Variants in ATL2 observed in about 807,000 individuals in gnomAD.
ATL2 encodes the protein atlastin-2.
ATL2 carries 31 observed loss-of-function variants against 73.9 expected under a neutral mutation model. The ratio of observed to expected loss-of-function variants is 0.42; its 90% CI spans 0.32 to 0.57. The LOEUF (loss-of-function observed/expected upper bound fraction) is 0.57, where lower values mean the gene tolerates loss of function less well. Among genes scored for constraint, ATL2 ranks in the 20% least tolerant of loss-of-function variants. ATL2 has a pLI of 0.14. For missense variants in ATL2, 738 were observed against 702.6 expected (o/e 1.05, Z -0.57); for synonymous variants, 291 against 237.5 (o/e 1.23, Z -2.07).
chr2:38,297,837 A>G (rs1666976632), intron 12 of ATL2: 1 of 202,822 alleles, frequency 4.9e-6, no homozygotes, highest in Non-Finnish European at 9.8e-6. Flanking sequence ...TTCATTGTTT[A>G]TATTTTCTTT....
intron 1 of ATL2, among the ~76,000 whole-genome samples, chr2:38,366,377 A>G (rs1671332051): frequency 1.3e-5 from 2 of 152,084 alleles, no homozygotes; most frequent in African/African-American, 4.8e-5. Flanking sequence ...TATTAAACAT[A>G]CTCTAATACC....
chr2:38,370,067 T>C (rs1267140685), intron 1 of ATL2, among the ~76,000 whole-genome samples: 1 of 135,420 alleles, frequency 7.4e-6, no homozygotes, highest in East Asian at 2.2e-4. Context: ...GGCAGAAGAA[T>C]GGCGTGAACC....
In ATL2 at chr2:38,309,199, C is replaced by T. The variant is rs2305242; in HGVS notation, c.1071+180G>A. The stretch of plus-strand genomic sequence containing the variant: ...AAATCACTGTCTAGGAGACAGAAAT[C>T]TGCTATAATCTTTTAAATATCCTTA... On this transcript the variant is annotated intron_variant, in intron 9 of 12. Coordinates refer to ENST00000378954, the MANE Select transcript of ATL2 (RefSeq NM_001135673.4). Among the ~76,000 whole-genome samples, 1,040 of 152,194 alleles carry T rather than the reference C, an allele frequency of 6.8e-3. 12 individuals are homozygous for T. Among genetic ancestry groups the T allele is most frequent in the East Asian group, 0.057 (293 of 5,182 alleles).
intron 8 of ATL2, 113 bp from the exon 9 acceptor site, chr2:38,309,619 A>T: frequency 9.5e-7 from 1 of 1,051,308 alleles, no homozygotes; most frequent in East Asian, 2.7e-5. Flanking sequence ...TCTATTACTG[A>T]AGTGGATTCA....
chr2:38,327,535 A>C (rs1156763434), intron 2 of ATL2, among the ~76,000 whole-genome samples: 2 of 124,856 alleles, frequency 1.6e-5, no homozygotes, highest in Non-Finnish European at 3.2e-5. Flanking sequence ...AAAAAAAAAA[A>C]AGTACAAAAA....
chr2:38,358,065 G>T (rs1163860717), intron 1 of ATL2, among the ~76,000 whole-genome samples: 1 of 152,258 alleles, frequency 6.6e-6, no homozygotes, highest in East Asian at 1.9e-4. Flanking sequence ...AACTGGGATT[G>T]AGCTTGAAAC....
rs1304796075 is a variant in ATL2 at position 38,295,811 on chromosome 2, G to A, written c.*183C>T. The A allele has an allele frequency of 1.9e-6, 1 of 525,746 alleles. No individual in the cohort carries two copies. The highest frequency in any genetic ancestry group is 3.2e-5 in the East Asian group (1 of 31,592). 32.6% of individuals were successfully genotyped at this position (525,746 alleles called of 1,614,324 possible). ...CTCAGTCCATCTGCATGTCTTAGGA[G>A]CCATTAAAAGAATGCTTAAAACTAA... On this transcript the variant is annotated 3_prime_UTR_variant, in exon 13 of 13. Coordinates refer to ENST00000378954, the MANE Select transcript of ATL2 (RefSeq NM_001135673.4).
intron 4 of ATL2, among the ~76,000 whole-genome samples, chr2:38,317,177 A>G (rs2148433537): frequency 6.6e-6 from 1 of 152,270 alleles, no homozygotes; most frequent in South Asian, 2.1e-4. Context: ...AGACACTGTG[A>G]CAGCATCACC....
intron 1 of ATL2, 126 bp from the exon 2 acceptor site, chr2:38,343,638 A>C: frequency 1.2e-6 from 1 of 832,200 alleles, no homozygotes; most frequent in Non-Finnish European, 1.9e-6. Context: ...GATCATTATA[A>C]TGTTCCTTTG....
intron 1 of ATL2, among the ~76,000 whole-genome samples, chr2:38,372,168 T>G (rs1017087578): frequency 9.8e-5 from 14 of 142,640 alleles, no homozygotes; most frequent in African/African-American, 3.4e-4. Flanking sequence ...CAGACCCAAG[T>G]TAGATTTTGC....
intron 5 of ATL2, among the ~76,000 whole-genome samples, chr2:38,315,061 G>A (rs1053627989): frequency 6.6e-6 from 1 of 152,188 alleles, no homozygotes; most frequent in Non-Finnish European, 1.5e-5. Context: ...AGACCAGCCT[G>A]ACCAACATGG....
intron 9 of ATL2, among the ~76,000 whole-genome samples, chr2:38,301,910 G>C (rs1667210012): frequency 6.6e-6 from 1 of 152,118 alleles, no homozygotes; most frequent in African/African-American, 2.4e-5. Context: ...GTAGTTCACA[G>C]CTCTGAGAGA....
At chr2:38,334,937 T>TATAAATATATTTATATATTATAATAA (rs1351952683) in intron 2 of ATL2, among the ~76,000 whole-genome samples, 1 of 135,268 alleles carries the variant, frequency 7.4e-6, no homozygotes, top group African/African-American at 2.9e-5. Context: ...TATTATAATA[T>TATAAATATATTTATATATTATAATAA]ATAACATTTA....
chr2:38,331,854 T>G (rs1669016092), intron 2 of ATL2, among the ~76,000 whole-genome samples: 1 of 151,708 alleles, frequency 6.6e-6, no homozygotes, highest in South Asian at 2.1e-4. Flanking sequence ...ATAAATATAT[T>G]TTATGTAATT....
At chr2:38,336,502 A>G (rs1669364115) in intron 2 of ATL2, among the ~76,000 whole-genome samples, 1 of 152,222 alleles carries the variant, frequency 6.6e-6, no homozygotes, top group African/African-American at 2.4e-5. Context: ...ACTCACACAT[A>G]TCCTCCCATC....
chr2:38,333,689 A>G (rs1411449539), intron 2 of ATL2, among the ~76,000 whole-genome samples: 1 of 152,206 alleles, frequency 6.6e-6, no homozygotes, highest in Admixed American at 6.5e-5. Context: ...TGATACTGCA[A>G]AAGAGGCAAT....
At chr2:38,376,267 G>A (rs977025614) in intron 1 of ATL2, 24 of 1,398,066 alleles carry the variant, frequency 1.7e-5, no homozygotes, top group Non-Finnish European at 2.2e-5. Flanking sequence ...GGTGTTATGA[G>A]TGAGAGGGAT....
At chr2:38,374,894 T>C (rs915113627) in intron 1 of ATL2, among the ~76,000 whole-genome samples, 1 of 152,258 alleles carries the variant, frequency 6.6e-6, no homozygotes, top group Non-Finnish European at 1.5e-5. Context: ...AATACACCTA[T>C]GTGCACTCGA....
chr2:38,368,211 G>A (rs184860774), intron 1 of ATL2, among the ~76,000 whole-genome samples: 67 of 151,708 alleles, frequency 4.4e-4, no homozygotes, highest in African/African-American at 1.4e-3. Flanking sequence ...TGGCATTACA[G>A]GCGTAAGCCA....
Sources: allele counts gnomAD v4.1 joint callset (sites outside exome capture counted in the v4.1 genomes callset), GRCh38; gene constraint gnomAD v4.1.1; transcripts MANE v1.5; gene names NCBI Gene and HGNC (gene_info 2026-07-23, HGNC 2026-07-21).